Variants in SGCZ observed in about 807,000 individuals in gnomAD.
SGCZ encodes zeta-sarcoglycan.
A neutral mutation model predicts 41.3 loss-of-function variants in SGCZ; 40 were observed. The observed-to-expected ratio is 0.97, with a 90% CI of 0.75 to 1.26. The LOEUF is 1.26. Among genes scored for constraint, SGCZ ranks in the 50% most tolerant of loss-of-function variants. SGCZ has a pLI of 0.00. For synonymous variants in SGCZ, 206 were observed against 137.5 expected (o/e 1.50, Z -3.49); for missense variants, 552 against 369.8 (o/e 1.49, Z -4.04).
At chr8:15,100,164 T>G (rs1453990779) in intron 1 of SGCZ, among the ~76,000 whole-genome samples, 1 of 152,154 alleles carries the variant, frequency 6.6e-6, no homozygotes, top group Non-Finnish European at 1.5e-5. Flanking sequence ...AATAAGACCC[T>G]TGAATTTTCG....
intron 1 of SGCZ, among the ~76,000 whole-genome samples, chr8:15,223,654 G>A (rs562675732): frequency 5.5e-4 from 84 of 152,058 alleles, no homozygotes; most frequent in African/African-American, 2.0e-3. Flanking sequence ...TATCTAACCT[G>A]GATCCATGAT....
intron 1 of SGCZ, among the ~76,000 whole-genome samples, chr8:15,147,257 C>G (rs1213778347): frequency 1.3e-5 from 2 of 152,168 alleles, no homozygotes; most frequent in African/African-American, 4.8e-5. Context: ...CCTCATGAAG[C>G]AGAAATTAAA....
At chr8:14,763,412 T>C (rs1227877739) in intron 1 of SGCZ, among the ~76,000 whole-genome samples, 1 of 152,168 alleles carries the variant, frequency 6.6e-6, no homozygotes, top group African/African-American at 2.4e-5. Flanking sequence ...ATTTAATCCA[T>C]TGTCTCTTCT....
chr8:14,142,173 G>C (rs1803391293), intron 5 of SGCZ, among the ~76,000 whole-genome samples: 1 of 152,108 alleles, frequency 6.6e-6, no homozygotes, highest in Non-Finnish European at 1.5e-5. Context: ...GTCGAGGGGT[G>C]GAGGCATGGG....
At chr8:15,137,171 T>C (rs1486202824) in intron 1 of SGCZ, among the ~76,000 whole-genome samples, 1 of 152,074 alleles carries the variant, frequency 6.6e-6, no homozygotes, top group Non-Finnish European at 1.5e-5. Flanking sequence ...TCTTACTATG[T>C]TTTAGCAAAG....
intron 2 of SGCZ, among the ~76,000 whole-genome samples, chr8:14,398,652 G>C (rs1798986919): frequency 6.6e-6 from 1 of 151,974 alleles, no homozygotes; most frequent in Non-Finnish European, 1.5e-5. Context: ...AAAAACTGAG[G>C]AATCAGAAAA....
At position 14,808,890 on chromosome 8, in the gene SGCZ, C is replaced by T. The variant is rs941156510; in HGVS notation, c.40-253964G>A. 1.1e-4 allele frequency among the ~76,000 whole-genome samples: 17 copies of T among 151,686 alleles called. No individual in the cohort carries two copies. In the East Asian group the frequency reaches 2.7e-3, roughly 24 times the overall value. ...TGTGGCACATATACACCATGGAATA[C>T]TATGCAGCCATAAAAAATGATGAGT... On this transcript the variant is annotated intron_variant, in intron 1 of 7. Coordinates refer to ENST00000382080, the MANE Select transcript of SGCZ (RefSeq NM_139167.4).
At chr8:14,471,343 T>C (rs980621539) in intron 2 of SGCZ, among the ~76,000 whole-genome samples, 11 of 152,160 alleles carry the variant, frequency 7.2e-5, no homozygotes, top group African/African-American at 2.4e-4. Flanking sequence ...TAAATCATAC[T>C]TATAGAAATA....
chr8:14,278,024 C>A (rs1223813592), intron 3 of SGCZ, among the ~76,000 whole-genome samples: 1 of 152,158 alleles, frequency 6.6e-6, no homozygotes, highest in Non-Finnish European at 1.5e-5. Context: ...GGGAATTCAT[C>A]TGCCTAATAA....
intron 1 of SGCZ, among the ~76,000 whole-genome samples, chr8:14,839,925 TTA>T (rs1563306911): frequency 6.6e-6 from 1 of 152,190 alleles, no homozygotes; most frequent in Non-Finnish European, 1.5e-5. Flanking sequence ...TTTTCTATAT[TTA>T]TATTGCAAGA....
intron 4 of SGCZ, among the ~76,000 whole-genome samples, chr8:14,167,015 C>CA (rs2116990439): frequency 6.6e-6 from 1 of 151,964 alleles, no homozygotes; most frequent in South Asian, 2.1e-4. Flanking sequence ...TTACAGAAGG[C>CA]AAAATTACAA....
intron 1 of SGCZ, among the ~76,000 whole-genome samples, chr8:15,090,898 T>C (rs762340358): frequency 1.3e-5 from 2 of 152,180 alleles, no homozygotes; most frequent in Non-Finnish European, 2.9e-5. Context: ...GCAGCCAAAA[T>C]ACAATCTGTG....
At chr8:14,459,867 A>G (rs996718629) in intron 2 of SGCZ, among the ~76,000 whole-genome samples, 1 of 152,192 alleles carries the variant, frequency 6.6e-6, no homozygotes, top group African/African-American at 2.4e-5. Flanking sequence ...TGAGAGACAT[A>G]TTTTACAAAA....
chr8:14,365,342 A>G (rs1803662851), intron 2 of SGCZ, among the ~76,000 whole-genome samples: 1 of 152,106 alleles, frequency 6.6e-6, no homozygotes, highest in African/African-American at 2.4e-5. Context: ...TTGTATTACA[A>G]AATATTTTCT....
At chr8:15,090,414 C>A (rs778743774) in intron 1 of SGCZ, among the ~76,000 whole-genome samples, 1 of 152,178 alleles carries the variant, frequency 6.6e-6, no homozygotes, top group Admixed American at 6.5e-5. Flanking sequence ...TATCTGGCAA[C>A]ACCCCTGGGT....
At chr8:14,598,914 A>G (rs1805499804) in intron 1 of SGCZ, among the ~76,000 whole-genome samples, 1 of 152,122 alleles carries the variant, frequency 6.6e-6, no homozygotes. Flanking sequence ...CCCATGATTT[A>G]GATTTTAGTA....
At chr8:14,107,523 G>A (rs187672026) in intron 6 of SGCZ, among the ~76,000 whole-genome samples, 121 of 152,160 alleles carry the variant, frequency 8.0e-4, no homozygotes, top group Non-Finnish European at 1.5e-3. Context: ...ATAATACTCC[G>A]TGGTCATTTA....
intron 1 of SGCZ, among the ~76,000 whole-genome samples, chr8:14,637,355 G>C (rs1035756616): frequency 6.7e-6 from 1 of 150,102 alleles, no homozygotes; most frequent in Non-Finnish European, 1.5e-5. Flanking sequence ...CGGAGTACAC[G>C]TGCAGGTTTG....
intron 5 of SGCZ, among the ~76,000 whole-genome samples, chr8:14,125,619 G>C (rs572483641): frequency 1.3e-5 from 2 of 151,898 alleles, no homozygotes; most frequent in Admixed American, 1.3e-4. Flanking sequence ...CATAGAATTA[G>C]AAAAAATACT....
Sources: gnomAD v4.1 joint callset for allele counts (sites outside exome capture counted in the v4.1 genomes callset) on GRCh38, gnomAD v4.1.1 for gene constraint, MANE v1.5 for transcripts, NCBI Gene and HGNC (gene_info 2026-07-23, HGNC 2026-07-21) for gene names.